The following BRINP3 variants were observed in gnomAD, a reference collection of about 807,000 sequenced individuals.
BRINP3 encodes the protein BMP/retinoic acid inducible neural specific 3, also known as BMP/retinoic acid-inducible neural-specific protein 3.
Under a neutral mutation model 71.0 loss-of-function variants are expected in BRINP3, and 19 were observed. The ratio of observed to expected loss-of-function variants is 0.27; its 90% CI spans 0.19 to 0.39. The LOEUF (loss-of-function observed/expected upper bound fraction) is 0.39. Ranked by LOEUF, BRINP3 falls within the 10% of genes least tolerant of loss-of-function variation. The probability of loss-of-function intolerance (pLI) is 1.00; values close to 1 mark genes in which losing one functional copy is unlikely to be tolerated. For synonymous variants in BRINP3, 380 were observed against 337.7 expected (o/e 1.13, Z -1.37); for missense variants, 959 against 940.8 (o/e 1.02, Z -0.25).
At chr1:190,148,365 C>T (rs1441603789) in intron 7 of BRINP3, among the ~76,000 whole-genome samples, 2 of 151,662 alleles carry the variant, frequency 1.3e-5, no homozygotes, top group Non-Finnish European at 2.9e-5. Flanking sequence ...GAGGCCGAGG[C>T]GGCGGATCAA....
chr1:190,420,328 T>C (rs887632014), intron 2 of BRINP3, among the ~76,000 whole-genome samples: 1 of 152,004 alleles, frequency 6.6e-6, no homozygotes, highest in African/African-American at 2.4e-5. Flanking sequence ...CAAAAAGTTG[T>C]AGATTGTCAG....
At chr1:190,456,977 A>C (rs915526462) in intron 1 of BRINP3, among the ~76,000 whole-genome samples, 1 of 152,158 alleles carries the variant, frequency 6.6e-6, no homozygotes, top group Non-Finnish European at 1.5e-5. Flanking sequence ...AAAAAATTCA[A>C]ACAGTACTTA....
At chr1:190,214,681 C>A (rs1248665246) in intron 6 of BRINP3, among the ~76,000 whole-genome samples, 1 of 151,830 alleles carries the variant, frequency 6.6e-6, no homozygotes, top group African/African-American at 2.4e-5. Context: ...ATCACTTTTG[C>A]CTTTAGGGGT....
At chr1:190,165,460 T>TGTGTG (rs1553252643) in intron 6 of BRINP3, among the ~76,000 whole-genome samples, 2 of 95,238 alleles carry the variant, frequency 2.1e-5, no homozygotes, top group African/African-American at 9.0e-5. Flanking sequence ...TTTTTTTTTT[T>TGTGTG]TGTGTGTGTG....
intron 2 of BRINP3, among the ~76,000 whole-genome samples, chr1:190,353,541 A>G (rs144724000): frequency 6.6e-6 from 1 of 152,178 alleles, no homozygotes; most frequent in East Asian, 1.9e-4. Context: ...TACAACTGAA[A>G]CACGATTATA....
intron 2 of BRINP3, among the ~76,000 whole-genome samples, chr1:190,379,263 G>A (rs1670369350): frequency 6.6e-6 from 1 of 152,128 alleles, no homozygotes; most frequent in Non-Finnish European, 1.5e-5. Context: ...TGTGTTTATT[G>A]AGGAAGTACC....
chr1:190,181,495 T>A (rs2102536640), intron 6 of BRINP3, among the ~76,000 whole-genome samples: 1 of 152,162 alleles, frequency 6.6e-6, no homozygotes, highest in Middle Eastern at 3.4e-3. Context: ...TGCATAAAAT[T>A]TTCTTAAAAT....
At chr1:190,477,311 A>C (rs1317762880) in intron 1 of BRINP3, 137 bp downstream of exon 1, 1 of 152,226 alleles carries the variant, frequency 6.6e-6, no homozygotes, top group African/African-American at 2.4e-5. Context: ...TAACATACTA[A>C]TTAATAAATA....
At chr1:190,390,275 G>A (rs576049422) in intron 2 of BRINP3, among the ~76,000 whole-genome samples, 16 of 151,646 alleles carry the variant, frequency 1.1e-4, no homozygotes, top group Admixed American at 4.0e-4. Flanking sequence ...CTAGATTCTC[G>A]AATCTGGAAA....
chr1:190,177,479 G>A (rs190472619), intron 6 of BRINP3, among the ~76,000 whole-genome samples: 36 of 151,414 alleles, frequency 2.4e-4, no homozygotes, highest in African/African-American at 8.0e-4. Flanking sequence ...CGCCCGGCCC[G>A]GGAGCACCTA....
intron 2 of BRINP3, among the ~76,000 whole-genome samples, chr1:190,424,850 G>A (rs1385990666): frequency 6.6e-6 from 1 of 151,612 alleles, no homozygotes. Context: ...CTAACAGAAG[G>A]AAATGCCTAT....
chr1:190,344,079 A>C (rs748292412), intron 2 of BRINP3, among the ~76,000 whole-genome samples: 9 of 151,926 alleles, frequency 5.9e-5, no homozygotes, highest in Non-Finnish European at 1.0e-4. Flanking sequence ...GATAAAACGA[A>C]CTATGTTTAT....
chr1:190,425,051 G>A (rs1161810519), intron 2 of BRINP3, among the ~76,000 whole-genome samples: 1 of 151,516 alleles, frequency 6.6e-6, no homozygotes, highest in Non-Finnish European at 1.5e-5. Flanking sequence ...CAAACACAAA[G>A]AGAACTGACA....
chr1:190,381,489 AATGTATGC>A (rs1403218213), intron 2 of BRINP3, among the ~76,000 whole-genome samples: 1 of 152,158 alleles, frequency 6.6e-6, no homozygotes, highest in East Asian at 1.9e-4. Context: ...AAATGAAGAA[AATGTATGC>A]ATGTATTTGT....
chr1:190,197,940 C>G (rs941694730), intron 6 of BRINP3, among the ~76,000 whole-genome samples: 1 of 152,106 alleles, frequency 6.6e-6, no homozygotes, highest in Non-Finnish European at 1.5e-5. Flanking sequence ...CATAATGGCT[C>G]CATCCCTGCA....
At chr1:190,415,285 A>G (rs1040971547) in intron 2 of BRINP3, among the ~76,000 whole-genome samples, 1 of 152,208 alleles carries the variant, frequency 6.6e-6, no homozygotes, top group African/African-American at 2.4e-5. Flanking sequence ...CAATCAGGAT[A>G]TGAATTCATA....
rs1672222997 is a variant in BRINP3 at position 190,405,494 on chromosome 1, C to CAAAAAAAAAAAAAAAA, written c.236+49160_236+49161insTTTTTTTTTTTTTTTT. ...AAAAAAAAAAAAAAAAAAAAAAAAC[C>CAAAAAAAAAAAAAAAA]AGAATCAGAAGCGTGACATATCATT... On this transcript the variant is annotated intron_variant, in intron 2 of 7. Transcript: ENST00000367462. Among the ~76,000 whole-genome samples the CAAAAAAAAAAAAAAAA allele has an allele frequency of 1.2e-4, 2 of 17,236 alleles. 1 individual carries two copies. Among genetic ancestry groups the CAAAAAAAAAAAAAAAA allele is most frequent in the African/African-American group, 5.0e-4 (2 of 3,970 alleles). 11.3% of individuals were successfully genotyped at this position (17,236 alleles called of 152,430 possible).
At chr1:190,263,282 G>T (rs1395036791) in intron 4 of BRINP3, among the ~76,000 whole-genome samples, 4 of 151,928 alleles carry the variant, frequency 2.6e-5, no homozygotes, top group Admixed American at 2.6e-4. Flanking sequence ...ATTCATGCTG[G>T]CTACATTTTT....
chr1:190,237,000 T>A (rs1658587833), intron 4 of BRINP3, among the ~76,000 whole-genome samples: 1 of 151,896 alleles, frequency 6.6e-6, no homozygotes. Context: ...CACTTCATCC[T>A]TAAAAGAAGG....
Sources: gnomAD v4.1 joint callset for allele counts (sites outside exome capture counted in the v4.1 genomes callset) on GRCh38, gnomAD v4.1.1 for gene constraint, MANE v1.5 for transcripts, NCBI Gene and HGNC (gene_info 2026-07-23, HGNC 2026-07-21) for gene names.